VWF: variants seen among roughly 807,000 people sequenced by gnomAD.
VWF encodes the protein Factor VIII related antigen.
In VWF, 176 loss-of-function variants were observed where a neutral mutation model predicts 308.6. The observed-to-expected ratio is 0.57, with a 90% confidence interval of 0.50 to 0.65. The LOEUF (loss-of-function observed/expected upper bound fraction) is 0.65. Among genes scored for constraint, VWF ranks in the 30% least tolerant of loss-of-function variants. VWF has a pLI of 0.00. For missense variants in VWF, 3,146 were observed against 3,648.2 expected (o/e 0.86, Z 3.55); for synonymous variants, 1,385 against 1,443.4 (o/e 0.96, Z 0.92).
At chr12:6,047,323 C>G (rs1944456449) in intron 16 of VWF, among the ~76,000 whole-genome samples, 1 of 152,186 alleles carries the variant, frequency 6.6e-6, no homozygotes, top group African/African-American at 2.4e-5. Context: ...CCTACATGGT[C>G]TCACTAATGT....
chr12:6,107,666 A>ATT (rs1441683785), intron 5 of VWF, among the ~76,000 whole-genome samples: 2 of 151,586 alleles, frequency 1.3e-5, no homozygotes, highest in African/African-American at 4.9e-5. Flanking sequence ...ATATATATAT[A>ATT]TATATTTTTT....
At chr12:5,995,481 A>T (rs1943798361) in intron 35 of VWF, among the ~76,000 whole-genome samples, 1 of 152,244 alleles carries the variant, frequency 6.6e-6, no homozygotes, top group African/African-American at 2.4e-5. Flanking sequence ...TATGATTTCT[A>T]CACGAACAAG....
At chr12:6,031,344 T>G (rs985563573) in intron 21 of VWF, 100 bp downstream of exon 21, 15 of 1,594,336 alleles carry the variant, frequency 9.4e-6, no homozygotes, top group Non-Finnish European at 1.2e-5. Context: ...CTGTGCGTTA[T>G]TCCATTCACA....
intron 18 of VWF, 64 bp downstream of exon 18, chr12:6,044,227 C>A: frequency 6.2e-7 from 1 of 1,600,826 alleles, no homozygotes. Flanking sequence ...GCACAGCCCC[C>A]TCACTCATCC....
chr12:6,071,645 C>T (rs1944783939), intron 9 of VWF, among the ~76,000 whole-genome samples: 1 of 152,212 alleles, frequency 6.6e-6, no homozygotes, highest in African/African-American at 2.4e-5. Flanking sequence ...ATTCCTACCC[C>T]ACACACAGTG....
At chr12:6,121,457 A>G in intron 2 of VWF, 119 bp from the exon 3 acceptor site, 1 of 1,290,450 alleles carries the variant, frequency 7.7e-7, no homozygotes, top group Non-Finnish European at 1.1e-6. Context: ...GGCTGTGGGG[A>G]GGTATTTTCC....
intron 47 of VWF, among the ~76,000 whole-genome samples, chr12:5,961,864 T>C (rs549965263): frequency 1.3e-5 from 2 of 152,252 alleles, no homozygotes; most frequent in South Asian, 4.1e-4. Flanking sequence ...AATTCCTATG[T>C]TGGGATTTAA....
At chr12:6,028,405 G>T (rs994235144) in intron 22 of VWF, among the ~76,000 whole-genome samples, 12 of 152,110 alleles carry the variant, frequency 7.9e-5, no homozygotes, top group African/African-American at 2.9e-4. Flanking sequence ...AAGAAATACA[G>T]AGAACACCAC....
intron 6 of VWF, among the ~76,000 whole-genome samples, chr12:6,090,872 TGA>T (rs1274757808): frequency 3.3e-5 from 5 of 152,078 alleles, no homozygotes; most frequent in Non-Finnish European, 7.4e-5. Context: ...AGGCCCAGGG[TGA>T]GAGACACTCA....
At chr12:6,103,036 C>T (rs1291934521) in intron 5 of VWF, among the ~76,000 whole-genome samples, 2 of 151,590 alleles carry the variant, frequency 1.3e-5, no homozygotes, top group African/African-American at 4.8e-5. Context: ...TAAAAATATA[C>T]ACATAGATCG....
At chr12:5,980,187 G>A (rs1270762784) in intron 42 of VWF, among the ~76,000 whole-genome samples, 6 of 115,130 alleles carry the variant, frequency 5.2e-5, no homozygotes, top group South Asian at 3.7e-4. Flanking sequence ...GGGAGGGAGG[G>A]AAGGAAGGAA....
At chr12:6,117,750 G>A (rs1945383905) in intron 3 of VWF, among the ~76,000 whole-genome samples, 1 of 152,162 alleles carries the variant, frequency 6.6e-6, no homozygotes, top group Non-Finnish European at 1.5e-5. Flanking sequence ...GGGAGGGGGA[G>A]GTTGCAGTGA....
chr12:6,056,788 G>A, intron 15 of VWF, 69 bp downstream of exon 15: 9 of 1,251,286 alleles, frequency 7.2e-6, no homozygotes, highest in Non-Finnish European at 8.2e-6. Context: ...CAGAGAAAGG[G>A]CTTCGAAAAG....
At chr12:6,092,624 T>TGAGAGAGAGAGAGAGAGA (rs1180180618) in intron 6 of VWF, among the ~76,000 whole-genome samples, 59 of 87,060 alleles carry the variant, frequency 6.8e-4, no homozygotes, top group African/African-American at 3.2e-3. Flanking sequence ...TGAGAGTGTG[T>TGAGAGAGAGAGAGAGAGA]GTGTGTGTGT....
chr12:6,048,103 G>A (rs1944466503), intron 16 of VWF, among the ~76,000 whole-genome samples: 1 of 152,184 alleles, frequency 6.6e-6, no homozygotes, highest in Admixed American at 6.5e-5. Flanking sequence ...TTCCAGTCTA[G>A]TATGAAGTCA....
rs145176022 is a variant in VWF, at chr12:6,023,346, ACTTC to A, written c.3379+281_3379+284del. Among the ~76,000 whole-genome samples, 473 of 152,290 alleles carry A rather than the reference ACTTC, an allele frequency of 3.1e-3. 1 individual carries two copies. The highest frequency in any genetic ancestry group is 0.011 in the African/African-American group (455 of 41,546). On this transcript the variant is annotated intron_variant, in intron 25 of 51. Coordinates refer to ENST00000261405, the MANE Select transcript of VWF (RefSeq NM_000552.5). ...CACGCCTAATTAAAGACATAAATCG[ACTTC>A]CTTCTTTTCATCAGTATTCCCTCTT...
intron 16 of VWF, among the ~76,000 whole-genome samples, chr12:6,051,286 C>CTTTT (rs55842185): frequency 6.0e-4 from 70 of 117,520 alleles, no homozygotes; most frequent in African/African-American, 2.2e-3. Context: ...TTCTTTTTTT[C>CTTTT]TTTTTTTTTT....
intron 48 of VWF, among the ~76,000 whole-genome samples, chr12:5,953,153 G>T (rs1435116206): frequency 6.6e-6 from 1 of 152,082 alleles, no homozygotes; most frequent in Non-Finnish European, 1.5e-5. Context: ...CTTGAACCCA[G>T]GAGGCGGAGG....
rs1335972884 is a variant in VWF, at chr12:6,110,940, G to T, written c.249C>A (p.Ser83Arg). The change falls in exon 4 of 52, where the codon AGC (serine) becomes AGA (arginine). Residue 83 changes from serine to arginine, a missense_variant. Around this residue, in one of 3 missense-constraint regions of VWF, gnomAD observed 1,304 missense variants for 1,353.0 expected, o/e 0.96. Transcript: ENST00000261405. ...IGDFQNGKRV[S>R]LSVYLGEFFD... The stretch of plus-strand genomic sequence containing the variant: ...AAAATTCCCCAAGATACACGGAGAG[G>T]CTCACTCTCTTGCCATTCTGGAAGT... 2 of 1,614,076 alleles carry T rather than the reference G, an allele frequency of 1.2e-6. No homozygotes were observed. Among genetic ancestry groups the T allele is most frequent in the Middle Eastern group, 1.6e-4 (1 of 6,062 alleles).
Sources: allele counts gnomAD v4.1 joint callset (sites outside exome capture counted in the v4.1 genomes callset), GRCh38; gene constraint gnomAD v4.1.1; regional missense constraint gnomAD v4.1.1; transcripts MANE v1.5; gene names NCBI Gene and HGNC (gene_info 2026-07-23, HGNC 2026-07-21).